KCNK9: variants seen among roughly 807,000 people sequenced by gnomAD.
KCNK9 encodes potassium two pore domain channel subfamily K member 9.
In KCNK9, 1 loss-of-function variant was observed where a neutral mutation model predicts 10.8. That is an observed-to-expected ratio of 0.09 (90% confidence interval 0.03 to 0.44). KCNK9 has a LOEUF of 0.44. Among genes scored for constraint, KCNK9 ranks in the 20% least tolerant of loss-of-function variants. The pLI is 0.97. For synonymous variants in KCNK9, 231 were observed against 222.7 expected, an observed-to-expected ratio of 1.04 and a Z score of -0.33; for missense variants, 303 against 515.0, an observed-to-expected ratio of 0.59 and a Z score of 3.98.
At chr8:139,695,353 A>G (rs1817025068) in intron 1 of KCNK9, among the ~76,000 whole-genome samples, 1 of 152,188 alleles carries the variant, frequency 6.6e-6, no homozygotes, top group Non-Finnish European at 1.5e-5. Context: ...ACAGGCTAAA[A>G]TTTCTCAGAG....
At chr8:139,637,859 C>T (rs1227756637) in intron 1 of KCNK9, among the ~76,000 whole-genome samples, 2 of 151,362 alleles carry the variant, frequency 1.3e-5, no homozygotes, top group Admixed American at 6.6e-5. Flanking sequence ...AGCAGCAGAC[C>T]TCACCCCTGG....
At chr8:139,647,805 G>A (rs534427995) in intron 1 of KCNK9, among the ~76,000 whole-genome samples, 3 of 152,274 alleles carry the variant, frequency 2.0e-5, no homozygotes, top group East Asian at 3.9e-4. Context: ...CAGGTCTCCC[G>A]TTCCGCCCTT....
At position 139,677,767 on chromosome 8, in the gene KCNK9, T is replaced by G. The variant is rs1395912409; in HGVS notation, c.283+24943A>C. Among the ~76,000 whole-genome samples, 483 of 114,674 alleles carry G rather than the reference T, an allele frequency of 4.2e-3. 8 individuals are homozygous for G. The highest frequency in any genetic ancestry group is 0.018 in the African/African-American group (443 of 25,060). 75.2% of individuals were successfully genotyped at this position (114,674 alleles called of 152,430 possible). A position where few individuals can be genotyped will look rare whatever the true frequency, so the allele number is the denominator to read the frequency against. ...CTTCAGAGTAATACCTCACATCTGA[T>G]CCCAATGTGTCCCCATGGCTGCAGA... On this transcript the variant is annotated intron_variant, in intron 1 of 1. Coordinates refer to ENST00000520439, the MANE Select transcript of KCNK9 (RefSeq NM_001282534.2).
intron 1 of KCNK9, among the ~76,000 whole-genome samples, chr8:139,650,185 G>A (rs1815819998): frequency 6.6e-6 from 1 of 152,246 alleles, no homozygotes; most frequent in Non-Finnish European, 1.5e-5. Flanking sequence ...AGCATCTGGA[G>A]TGGATTTTCA....
intron 1 of KCNK9, among the ~76,000 whole-genome samples, chr8:139,650,205 G>A (rs774091869): frequency 1.2e-4 from 18 of 152,180 alleles, no homozygotes; most frequent in African/African-American, 4.1e-4. Flanking sequence ...AAGGGATCAT[G>A]CTGGCTGCTG....
At chr8:139,612,586 G>C (rs1382123315), downstream of KCNK9, 1 of 152,166 alleles carries the variant, frequency 6.6e-6, no homozygotes. Context: ...AGGTCCACTT[G>C]AGAAGGCAGA....
chr8:139,613,445 C>T (rs1171079981), downstream of KCNK9, among the ~76,000 whole-genome samples: 1 of 152,126 alleles, frequency 6.6e-6, no homozygotes, highest in African/African-American at 2.4e-5. Flanking sequence ...ATGCACCTGG[C>T]CTTGGTTTGT....
At chr8:139,652,742 AGAGCACT>A (rs1815905863) in intron 1 of KCNK9, among the ~76,000 whole-genome samples, 1 of 152,212 alleles carries the variant, frequency 6.6e-6, no homozygotes, top group African/African-American at 2.4e-5. Flanking sequence ...ATAAATACAC[AGAGCACT>A]GTGCAGCCAA....
Position 139,702,774 on chromosome 8 carries a change from G to A in KCNK9, c.219C>T (p.Arg73=), listed in dbSNP as rs1172241226. The part of the protein sequence containing the change: ...ELVILQSEPH[R]AGVQWKFAGS... Reference sequence around the variant, plus strand: ...CGGCGAATTTCCACTGGACGCCGGCGCGGTGCGGTTCCGACTGCAGGATCA... The same window carrying A: ...CGGCGAATTTCCACTGGACGCCGGCACGGTGCGGTTCCGACTGCAGGATCA... Residue 73 remains arginine, a synonymous_variant, in exon 1 of 2, where the codon CGC becomes CGT. Transcript: ENST00000520439. This position sits in a 1 kb window ranked among gnomAD's most constrained non-coding sequence, Gnocchi z 7.5. 6.2e-7 allele frequency: 1 copy of A among 1,613,612 alleles called. No homozygotes were observed. Among genetic ancestry groups the A allele is most frequent in the Non-Finnish European group, 8.5e-7 (1 of 1,179,880 alleles).
chr8:139,619,374 G>A (rs1214122706), intron 1 of KCNK9, among the ~76,000 whole-genome samples: 1 of 152,068 alleles, frequency 6.6e-6, no homozygotes, highest in Non-Finnish European at 1.5e-5. Flanking sequence ...TGGAAGGGAA[G>A]AGAAAAAGAA....
intron 1 of KCNK9, among the ~76,000 whole-genome samples, chr8:139,643,910 T>C (rs529000281): frequency 6.6e-6 from 1 of 152,300 alleles, no homozygotes; most frequent in African/African-American, 2.4e-5. Context: ...GAGGGGGCTC[T>C]TCCCACACCT....
Position 139,631,888 on chromosome 8 carries a change from C to T in KCNK9, c.284-12789G>A, listed in dbSNP as rs187132586. On this transcript the variant is annotated intron_variant, in intron 1 of 1. Transcript: ENST00000520439. ...TCCTGTTTTGTTTCTGCTGGATTCTCATGTAGGGCTAATTCACCTTGCAGG... is the reference window on the plus strand; with the variant it reads ...TCCTGTTTTGTTTCTGCTGGATTCTTATGTAGGGCTAATTCACCTTGCAGG... Among the ~76,000 whole-genome samples the T allele has an allele frequency of 3.3e-3, 503 of 152,282 alleles. 6 individuals carry two copies. The highest frequency in any genetic ancestry group is 0.011 in the African/African-American group (477 of 41,550).
intron 1 of KCNK9, among the ~76,000 whole-genome samples, chr8:139,625,438 A>C (rs1265333036): frequency 6.6e-6 from 1 of 152,144 alleles, no homozygotes; most frequent in African/African-American, 2.4e-5. Flanking sequence ...CCCACTCCTG[A>C]CTCAGCTGTG....
At chr8:139,609,284 C>T (rs1814344611), downstream of KCNK9, among the ~76,000 whole-genome samples, 1 of 114,012 alleles carries the variant, frequency 8.8e-6, no homozygotes, top group East Asian at 3.1e-4. Context: ...AGTGAGTGTG[C>T]CAGCGGGAAG....
At chr8:139,662,772 G>C (rs1435865039) in intron 1 of KCNK9, among the ~76,000 whole-genome samples, 1 of 149,732 alleles carries the variant, frequency 6.7e-6, no homozygotes, top group African/African-American at 2.4e-5. Context: ...GGATTTAGCA[G>C]AGAATCAAGG....
At chr8:139,609,277 G>T (rs1814344298), downstream of KCNK9, among the ~76,000 whole-genome samples, 1 of 130,760 alleles carries the variant, frequency 7.6e-6, no homozygotes. Flanking sequence ...CGTGAAGAGT[G>T]AGTGTGCCAG....
chr8:139,635,758 A>AC (rs112972518), intron 1 of KCNK9, among the ~76,000 whole-genome samples: 39 of 151,166 alleles, frequency 2.6e-4, no homozygotes, highest in Middle Eastern at 3.4e-3. Flanking sequence ...ATCACCCACA[A>AC]CCCCCCCACT....
downstream of KCNK9, among the ~76,000 whole-genome samples, chr8:139,608,624 G>T (rs924125063): frequency 6.6e-6 from 1 of 151,980 alleles, no homozygotes; most frequent in African/African-American, 2.4e-5. Flanking sequence ...GGCTTTGCGG[G>T]GGGGCGGGGC....
At chr8:139,646,092 T>A (rs761778855) in intron 1 of KCNK9, among the ~76,000 whole-genome samples, 35 of 152,010 alleles carry the variant, frequency 2.3e-4, no homozygotes, top group Non-Finnish European at 3.7e-4. Flanking sequence ...CCCAGAAGGC[T>A]CCTTGCCCCT....
Sources: gnomAD v4.1 joint callset for allele counts (sites outside exome capture counted in the v4.1 genomes callset) on GRCh38, gnomAD v4.1.1 for gene constraint, Gnocchi (gnomAD v3.1) non-coding constraint, MANE v1.5 for transcripts, NCBI Gene and HGNC (gene_info 2026-07-23, HGNC 2026-07-21) for gene names.